Variants in DNAH9 observed in about 807,000 individuals in gnomAD.
The protein encoded by DNAH9 is DNAH9 variant protein.
Under a neutral mutation model 471.6 loss-of-function variants are expected in DNAH9, and 345 were observed. That is an observed-to-expected ratio of 0.73 (90% CI 0.67 to 0.80). The LOEUF (loss-of-function observed/expected upper bound fraction) is 0.80. Ranked by LOEUF, DNAH9 falls within the 30% of genes least tolerant of loss-of-function variation. The pLI is 0.00. For missense variants in DNAH9, 5,407 were observed against 5,609.2 expected (o/e 0.96, Z 1.15); for synonymous variants, 2,093 against 2,123.6 (o/e 0.99, Z 0.40).
At chr17:11,831,897 C>T (rs1404293936) in intron 48 of DNAH9, among the ~76,000 whole-genome samples, 1 of 152,086 alleles carries the variant, frequency 6.6e-6, no homozygotes, top group Non-Finnish European at 1.5e-5. Context: ...TCCCCATCAC[C>T]CACCACCACT....
intron 43 of DNAH9, among the ~76,000 whole-genome samples, chr17:11,807,355 C>T (rs927578055): frequency 2.0e-5 from 3 of 152,066 alleles, no homozygotes; most frequent in Non-Finnish European, 2.9e-5. Flanking sequence ...TCGCTTTTTC[C>T]GTCCCCTCTT....
intron 57 of DNAH9, among the ~76,000 whole-genome samples, chr17:11,889,468 G>T (rs939660701): frequency 6.8e-5 from 9 of 133,274 alleles, no homozygotes; most frequent in Admixed American, 2.6e-4. Flanking sequence ...GCACGATTTT[G>T]CTGGAGCCAA....
At chr17:11,750,543 C>T (rs973860879) in intron 32 of DNAH9, among the ~76,000 whole-genome samples, 2 of 151,994 alleles carry the variant, frequency 1.3e-5, no homozygotes, top group Admixed American at 1.3e-4. Context: ...ACAGAGAAAG[C>T]TATAATGAAT....
At chr17:11,929,175 C>T (rs1974423378) in intron 62 of DNAH9, among the ~76,000 whole-genome samples, 1 of 151,942 alleles carries the variant, frequency 6.6e-6, no homozygotes, top group African/African-American at 2.4e-5. Context: ...GCTGGGACTA[C>T]AGGCGCCCAC....
chr17:11,628,332 C>T (rs16945103), intron 6 of DNAH9, among the ~76,000 whole-genome samples: 3,473 of 152,268 alleles, frequency 0.023, 93 homozygotes, highest in South Asian at 0.095. Context: ...TGGGTTGCGC[C>T]GTCCACCTGT....
chr17:11,813,931 G>A (rs1035117368), intron 45 of DNAH9, among the ~76,000 whole-genome samples: 1 of 152,170 alleles, frequency 6.6e-6, no homozygotes, highest in Non-Finnish European at 1.5e-5. Flanking sequence ...AACTGTATAA[G>A]AACTAGAGTG....
chr17:11,781,249 T>G, intron 39 of DNAH9, 75 bp downstream of exon 39: 1 of 1,494,256 alleles, frequency 6.7e-7, no homozygotes, highest in Non-Finnish European at 9.0e-7. Flanking sequence ...GTCTCTATTC[T>G]GCCTGAACGG....
intron 64 of DNAH9, 147 bp from the exon 65 acceptor site, chr17:11,933,733 A>G (rs2151037682): frequency 1.4e-6 from 1 of 719,744 alleles, no homozygotes; most frequent in Non-Finnish European, 2.2e-6. Context: ...CTGGGCACTG[A>G]GGGTATGGAG....
At chr17:11,870,292 G>C (rs142976595) in intron 51 of DNAH9, among the ~76,000 whole-genome samples, 1 of 152,172 alleles carries the variant, frequency 6.6e-6, no homozygotes, top group Non-Finnish European at 1.5e-5. Context: ...AATCTCCTAT[G>C]GCTTGTATTT....
At chr17:11,716,918 C>T (rs2074974870) in intron 26 of DNAH9, among the ~76,000 whole-genome samples, 1 of 152,166 alleles carries the variant, frequency 6.6e-6, no homozygotes, top group Admixed American at 6.5e-5. Context: ...TAGAGGAAGC[C>T]CAAGGCTGGG....
At chr17:11,929,416 C>T in intron 62 of DNAH9, among the ~76,000 whole-genome samples, 1 of 152,054 alleles carries the variant, frequency 6.6e-6, no homozygotes, top group East Asian at 1.9e-4. Context: ...ATTCTCAGGC[C>T]CCATCCTGGA....
At chr17:11,743,833 A>ATTT (rs113809412) in intron 30 of DNAH9, among the ~76,000 whole-genome samples, 1 of 142,962 alleles carries the variant, frequency 7.0e-6, no homozygotes, top group African/African-American at 2.6e-5. Flanking sequence ...CCTTGGCTGC[A>ATTT]TTTTTTTTTT....
chr17:11,636,945 TG>T (rs1383045635), intron 9 of DNAH9, among the ~76,000 whole-genome samples, 161 bp downstream of exon 9: 7 of 152,284 alleles, frequency 4.6e-5, no homozygotes, highest in Non-Finnish European at 1.0e-4. Context: ...CTTGGGTGAC[TG>T]GGGAGCTCTC....
At chr17:11,696,356 A>G (rs756284169) in intron 22 of DNAH9, among the ~76,000 whole-genome samples, 24 of 152,194 alleles carry the variant, frequency 1.6e-4, no homozygotes, top group Admixed American at 5.2e-4. Context: ...GGATTGATAT[A>G]CCACAGTTTG....
chr17:11,900,503 CAAAAA>C (rs71367356), intron 59 of DNAH9, among the ~76,000 whole-genome samples: 61 of 108,128 alleles, frequency 5.6e-4, no homozygotes, highest in Non-Finnish European at 8.0e-4. Context: ...CTTCCCCTGC[CAAAAA>C]AAAAAAAAAA....
At chr17:11,730,143 G>A (rs1597557071) in intron 28 of DNAH9, among the ~76,000 whole-genome samples, 1 of 152,268 alleles carries the variant, frequency 6.6e-6, no homozygotes, top group African/African-American at 2.4e-5. Context: ...GGTTTGTTCT[G>A]TTCAGCAGCA....
At chr17:11,718,108 C>A (rs1597534753) in intron 26 of DNAH9, among the ~76,000 whole-genome samples, 3 of 152,080 alleles carry the variant, frequency 2.0e-5, no homozygotes, top group African/African-American at 4.8e-5. Flanking sequence ...AACTCCTGGG[C>A]TCAAGCTATC....
At chr17:11,739,422 T>C (rs2075399871) in intron 29 of DNAH9, among the ~76,000 whole-genome samples, 1 of 152,236 alleles carries the variant, frequency 6.6e-6, no homozygotes. Context: ...TACTCCCCCA[T>C]GGTTAAATAT....
intron 49 of DNAH9, among the ~76,000 whole-genome samples, chr17:11,840,319 ATTACT>A (rs887842101): frequency 1.3e-5 from 2 of 152,208 alleles, no homozygotes; most frequent in Admixed American, 1.3e-4. Context: ...TTGATACAAG[ATTACT>A]TTATTTCATG....
Sources: gnomAD v4.1 joint callset for allele counts (sites outside exome capture counted in the v4.1 genomes callset) on GRCh38, gnomAD v4.1.1 for gene constraint, MANE v1.5 for transcripts, NCBI Gene and HGNC (gene_info 2026-07-23, HGNC 2026-07-21) for gene names.